PGS1: variants seen among roughly 807,000 people sequenced by gnomAD.
PGS1 encodes the protein CDP-diacylglycerol--glycerol-3-phosphate 3-phosphatidyltransferase, mitochondrial.
PGS1 carries 44 observed loss-of-function variants against 58.3 expected under a neutral mutation model. The ratio of observed to expected loss-of-function variants is 0.75; its 90% CI spans 0.59 to 0.97. The LOEUF (loss-of-function observed/expected upper bound fraction) is 0.97. Ranked by LOEUF, PGS1 falls within the 50% of genes least tolerant of loss-of-function variation. The probability of loss-of-function intolerance (pLI) is 0.00; values close to 1 mark genes in which losing one functional copy is unlikely to be tolerated. For synonymous variants in PGS1, 330 were observed against 311.0 expected (o/e 1.06, Z -0.64); for missense variants, 684 against 731.1 (o/e 0.94, Z 0.74).
intron 7 of PGS1, among the ~76,000 whole-genome samples, chr17:78,414,490 T>A (rs1234843446): frequency 6.6e-6 from 1 of 151,948 alleles, no homozygotes; most frequent in East Asian, 1.9e-4. Flanking sequence ...CAGAGTGGGG[T>A]TCGAGGCCCT....
intron 1 of PGS1, among the ~76,000 whole-genome samples, chr17:78,386,428 G>C (rs191954904): frequency 2.6e-4 from 40 of 152,230 alleles, no homozygotes; most frequent in African/African-American, 9.1e-4. Flanking sequence ...GGTGGCAGAA[G>C]GTTATTATCT....
chr17:78,415,324 T>G (rs2085085691), intron 8 of PGS1, among the ~76,000 whole-genome samples: 1 of 152,080 alleles, frequency 6.6e-6, no homozygotes, highest in Non-Finnish European at 1.5e-5. Flanking sequence ...AGACAAAGGG[T>G]CAACTGTTAA....
intron 7 of PGS1, among the ~76,000 whole-genome samples, chr17:78,409,446 C>T (rs968845635): frequency 1.3e-5 from 2 of 152,216 alleles, no homozygotes; most frequent in Admixed American, 6.5e-5. Flanking sequence ...GGCCAATTGG[C>T]GTTCTGCCCA....
chr17:78,390,062 T>TCCCCCCCCCCCCCCCCCCCCCCCCCCGCC (rs1555628316), intron 1 of PGS1, among the ~76,000 whole-genome samples: 113 of 128,446 alleles, frequency 8.8e-4, no homozygotes, highest in Middle Eastern at 4.0e-3. Flanking sequence ...TGTTGCCTGT[T>TCCCCCCCCCCCCCCCCCCCCCCCCCCGCC]CCCCCGCCCC....
rs749766683 is a variant in PGS1, at chr17:78,399,338, C to T, written c.512-10C>T. On this transcript the variant is annotated splice_polypyrimidine_tract_variant and intron_variant, in intron 4 of 9. Coordinates refer to ENST00000262764, the MANE Select transcript of PGS1 (RefSeq NM_024419.5). Reference sequence around the variant, plus strand: ...GTGAGTCAGGTGCCGTTTTCTCTGTCCGTGTTCAGGCCGGAAGAACTCCCG... The same window carrying T: ...GTGAGTCAGGTGCCGTTTTCTCTGTTCGTGTTCAGGCCGGAAGAACTCCCG... 5.0e-6 allele frequency: 8 copies of T among 1,611,594 alleles called. No homozygotes were observed. In the East Asian group the frequency reaches 8.9e-5, roughly 18 times the overall value.
chr17:78,404,269 C>G (rs1007450992), intron 7 of PGS1, among the ~76,000 whole-genome samples, 180 bp downstream of exon 7: 2 of 145,488 alleles, frequency 1.4e-5, no homozygotes, highest in Non-Finnish European at 3.0e-5. Flanking sequence ...GCATTCATCT[C>G]CTCAAGGGAA....
At chr17:78,423,756 G>T in intron 9 of PGS1, 1 of 1,038,172 alleles carries the variant, frequency 9.6e-7, no homozygotes, top group South Asian at 1.5e-5. Flanking sequence ...CCACCCTCTG[G>T]TTCCGATGTG....
chr17:78,404,144 CA>C, intron 7 of PGS1, 55 bp downstream of exon 7: 1 of 1,458,290 alleles, frequency 6.9e-7, no homozygotes, highest in Non-Finnish European at 9.1e-7. Context: ...CAAACATGGG[CA>C]GGGGGTGGGG....
intron 9 of PGS1, chr17:78,420,293 A>T (rs891954598): frequency 1.1e-6 from 1 of 910,122 alleles, no homozygotes; most frequent in African/African-American, 1.8e-5. Context: ...GCTTCACCAG[A>T]GGCACCAGTG....
chr17:78,378,861 C>G (rs1222895945), intron 1 of PGS1, 53 bp downstream of exon 1: 1 of 1,352,148 alleles, frequency 7.4e-7, no homozygotes, highest in Non-Finnish European at 9.5e-7. Context: ...CAGCCCGGCC[C>G]CCCGGCGCTC....
chr17:78,423,186 C>T (rs2086079230), intron 9 of PGS1, among the ~76,000 whole-genome samples: 2 of 151,966 alleles, frequency 1.3e-5, no homozygotes, highest in African/African-American at 4.8e-5. Context: ...TCCCCTCATC[C>T]CCCAGGTTGC....
intron 9 of PGS1, chr17:78,423,810 C>A (rs1598421556): frequency 1.0e-5 from 15 of 1,473,900 alleles, no homozygotes; most frequent in Non-Finnish European, 1.0e-5. Flanking sequence ...CGAAAAACCA[C>A]CACCAGTTCC....
chr17:78,416,061 T>C (rs138224742), intron 8 of PGS1, among the ~76,000 whole-genome samples: 2 of 152,352 alleles, frequency 1.3e-5, no homozygotes, highest in East Asian at 3.9e-4. Context: ...TTCCCTGGGA[T>C]CTGTCCTCCT....
Position 78,398,293 on chromosome 17 carries a change from A to G in PGS1, c.453A>G (p.Ala151=), listed in dbSNP as rs756101315. ...GTACTCTAGAAAAGTCACTCCAAGC[A>G]AAGTTTCCTTCAAATCTCAAGGTCT... ...LESTLEKSLQ[A]KFPSNLKVSI... Residue 151 remains alanine, a synonymous_variant, in exon 4 of 10, where the codon GCA becomes GCG. Coordinates refer to ENST00000262764, the MANE Select transcript of PGS1 (RefSeq NM_024419.5). 4.3e-6 allele frequency: 7 copies of G among 1,614,000 alleles called. No homozygotes were observed. Among genetic ancestry groups the G allele is most frequent in the South Asian group, 1.1e-5 (1 of 91,086 alleles).
chr17:78,399,319 C>T, intron 4 of PGS1, 29 bp from the exon 5 acceptor site: 1 of 1,585,378 alleles, frequency 6.3e-7, no homozygotes, highest in Middle Eastern at 1.7e-4. Context: ...TGTTGTGAGT[C>T]AGGTGCCGTT....
chr17:78,416,139 C>T lies in PGS1; in HGVS notation c.1551+1112C>T, dbSNP rs7226256. On this transcript the variant is annotated intron_variant, in intron 8 of 9. Transcript: ENST00000262764. ...GGTGCCAGGAAAGGCTTCACGACCACGACAGGCGCAAGAGGAAGTGAAGCG... is the reference window on the plus strand; with the variant it reads ...GGTGCCAGGAAAGGCTTCACGACCATGACAGGCGCAAGAGGAAGTGAAGCG... 3.6e-3 allele frequency among the ~76,000 whole-genome samples: 543 copies of T among 152,236 alleles called. 2 individuals carry two copies. Among genetic ancestry groups the T allele is most frequent in the African/African-American group, 0.012 (509 of 41,536 alleles).
At chr17:78,419,505 G>A (rs772397681) in intron 8 of PGS1, 41 bp from the exon 9 acceptor site, 25 of 1,572,428 alleles carry the variant, frequency 1.6e-5, no homozygotes. Context: ...TGTGGTGCTG[G>A]AGGGGACTCC....
chr17:78,422,460 C>G (rs569932695), intron 9 of PGS1, among the ~76,000 whole-genome samples: 1 of 152,240 alleles, frequency 6.6e-6, no homozygotes, highest in South Asian at 2.1e-4. Context: ...ACTTGATGAT[C>G]AAGCTGAACG....
Position 78,399,374 on chromosome 17 carries a change from C to T in PGS1, c.538C>T (p.Leu180Phe). 6.2e-7 allele frequency: 1 copy of T among 1,614,108 alleles called. No individual in the cohort carries two copies. The change falls in exon 5 of 10, where the codon CTC (leucine) becomes TTC (phenylalanine). Residue 180 changes from leucine (L) to phenylalanine (F), a missense_variant. Transcript: ENST00000262764. The part of the protein sequence containing the change: ...RGRKNSRTML[L>F]PLLRRFPEQV... The stretch of plus-strand genomic sequence containing the variant: ...CCGGAAGAACTCCCGCACAATGCTG[C>T]TCCCACTCCTGCGGAGGTTCCCAGA...
Sources: gnomAD v4.1 joint callset for allele counts (sites outside exome capture counted in the v4.1 genomes callset) on GRCh38, gnomAD v4.1.1 for gene constraint, MANE v1.5 for transcripts, NCBI Gene and HGNC (gene_info 2026-07-23, HGNC 2026-07-21) for gene names.